The following CAMTA1 variants were observed in gnomAD, a reference collection of about 807,000 sequenced individuals.
CAMTA1 encodes the protein calmodulin-binding transcription activator 1.
Under a neutral mutation model 170.9 loss-of-function variants are expected in CAMTA1, and 27 were observed. The observed-to-expected ratio is 0.16, with a 90% CI of 0.12 to 0.22. CAMTA1 has a LOEUF of 0.22. Ranked by LOEUF, CAMTA1 falls within the 10% of genes least tolerant of loss-of-function variation. The pLI is 1.00. For synonymous variants in CAMTA1, 833 were observed against 891.5 expected, an observed-to-expected ratio of 0.93 and a Z score of 1.17; for missense variants, 1,619 against 2,217.2, an observed-to-expected ratio of 0.73 and a Z score of 5.42.
intron 3 of CAMTA1, among the ~76,000 whole-genome samples, chr1:6,932,475 A>G (rs1204578378): frequency 6.6e-6 from 1 of 152,174 alleles, no homozygotes; most frequent in African/African-American, 2.4e-5. Context: ...AGCTGCTGTG[A>G]ACATTTGTGT....
intron 6 of CAMTA1, among the ~76,000 whole-genome samples, chr1:7,568,061 C>T (rs1419190833): frequency 6.6e-6 from 1 of 152,122 alleles, no homozygotes; most frequent in Non-Finnish European, 1.5e-5. Flanking sequence ...TTACCATTAC[C>T]ACCGTCATCA....
rs1035174206 is a variant in CAMTA1 at position 7,732,919 on chromosome 1, C to A, written c.3066+320C>A. ...AATTGAAAAATAGAGGCTGGCTGGGCATGGTGGCTCACGCCTATAATCCCA... is the reference window on the plus strand; with the variant it reads ...AATTGAAAAATAGAGGCTGGCTGGGAATGGTGGCTCACGCCTATAATCCCA... On this transcript the variant is annotated intron_variant, in intron 12 of 22. Coordinates refer to ENST00000303635, the MANE Select transcript of CAMTA1 (RefSeq NM_015215.4). The surrounding 1 kb of genome is among the most constrained non-coding windows in gnomAD (Gnocchi z 4.1). 2.6e-5 allele frequency among the ~76,000 whole-genome samples: 4 copies of A among 152,166 alleles called. No homozygotes were observed. Among genetic ancestry groups the A allele is most frequent in the Non-Finnish European group, 4.4e-5 (3 of 68,032 alleles).
chr1:6,966,151 A>G (rs1691502089), intron 3 of CAMTA1, among the ~76,000 whole-genome samples: 1 of 152,220 alleles, frequency 6.6e-6, no homozygotes, highest in East Asian at 1.9e-4. Flanking sequence ...CAGGACAAAC[A>G]GGAATTTTTC....
In CAMTA1 at chr1:7,375,721, C is replaced by T. The variant is rs12033080; in HGVS notation, c.439-92109C>T. Among the ~76,000 whole-genome samples the T allele has an allele frequency of 1.2e-4, 18 of 152,308 alleles. No homozygotes were observed. The East Asian group carries it at 2.5e-3, about 21-fold the overall frequency. ...AGGATGGCAGTAAATACTGGGGCCT[C>T]GATTCCAGGCAAGAGATGTTAGACT... On this transcript the variant is annotated intron_variant, in intron 5 of 22. Coordinates refer to ENST00000303635, the MANE Select transcript of CAMTA1 (RefSeq NM_015215.4).
intron 4 of CAMTA1, among the ~76,000 whole-genome samples, chr1:7,147,020 TG>T (rs1646235379): frequency 1.3e-5 from 2 of 151,900 alleles, no homozygotes; most frequent in East Asian, 3.9e-4. Context: ...ACATGCACCA[TG>T]CACACACACT....
intron 11 of CAMTA1, among the ~76,000 whole-genome samples, chr1:7,691,591 G>A (rs2096312513): frequency 6.6e-6 from 1 of 152,162 alleles, no homozygotes; most frequent in Admixed American, 6.5e-5. Context: ...AGGAGGTCTT[G>A]TGGGTGGATT....
chr1:7,406,072 G>T (rs1402260202), intron 5 of CAMTA1, among the ~76,000 whole-genome samples: 2 of 152,236 alleles, frequency 1.3e-5, no homozygotes, highest in Admixed American at 1.3e-4. Context: ...TCCCCACAAT[G>T]GCAGAGCTGG....
rs558430440 is a variant in CAMTA1, at chr1:7,635,948, G to A, written c.511-4452G>A. Among the ~76,000 whole-genome samples, 87 of 152,246 alleles carry A rather than the reference G, an allele frequency of 5.7e-4. No homozygotes were observed. Among genetic ancestry groups the A allele is most frequent in the African/African-American group, 1.9e-3 (80 of 41,552 alleles). ...GCCCATGTCTGAAAACCAGCCCCAC[G>A]CCAGGAAATCGTTACTACTCAACTC... On this transcript the variant is annotated intron_variant, in intron 6 of 22. Coordinates refer to ENST00000303635, the MANE Select transcript of CAMTA1 (RefSeq NM_015215.4). The surrounding 1 kb of genome is among the most constrained non-coding windows in gnomAD (Gnocchi z 4.4).
chr1:7,090,357 G>A (rs1641316826), intron 3 of CAMTA1, among the ~76,000 whole-genome samples: 1 of 152,210 alleles, frequency 6.6e-6, no homozygotes. Context: ...AGGAACCCCG[G>A]CTGCAGAGAG....
chr1:7,441,000 C>T (rs12565108), intron 5 of CAMTA1: 11,197 of 152,210 alleles, frequency 0.074, 692 homozygotes, highest in East Asian at 0.28. Context: ...CCTACAGGTG[C>T]GGGTTTTAAA....
At chr1:7,518,378 C>T (rs550850316) in intron 6 of CAMTA1, among the ~76,000 whole-genome samples, 1 of 152,044 alleles carries the variant, frequency 6.6e-6, no homozygotes, top group East Asian at 1.9e-4. Flanking sequence ...GGCCTGACCC[C>T]TATCCACATC....
chr1:6,924,221 C>G (rs1372900280), intron 3 of CAMTA1, among the ~76,000 whole-genome samples: 1 of 152,242 alleles, frequency 6.6e-6, no homozygotes, highest in Non-Finnish European at 1.5e-5. Context: ...TCTCTTGGCG[C>G]TTACCTTCTA....
At chr1:7,678,815 C>G (rs1239825466) in intron 11 of CAMTA1, among the ~76,000 whole-genome samples, 1 of 152,212 alleles carries the variant, frequency 6.6e-6, no homozygotes, top group Non-Finnish European at 1.5e-5. Context: ...CACCCCCTCA[C>G]GCACCCCGCA....
At chr1:7,591,044 T>C (rs2095351587) in intron 6 of CAMTA1, among the ~76,000 whole-genome samples, 1 of 152,138 alleles carries the variant, frequency 6.6e-6, no homozygotes, top group Admixed American at 6.5e-5. Context: ...TGACACTGGG[T>C]TCTCTGCGGT....
At chr1:7,082,839 C>T (rs777891857) in intron 3 of CAMTA1, among the ~76,000 whole-genome samples, 2 of 152,166 alleles carry the variant, frequency 1.3e-5, no homozygotes, top group Non-Finnish European at 2.9e-5. Context: ...ATGGACACAT[C>T]GTCCGTGCTG....
chr1:6,858,738 C>A (rs943480517), intron 3 of CAMTA1, among the ~76,000 whole-genome samples: 8 of 152,034 alleles, frequency 5.3e-5, no homozygotes, highest in Non-Finnish European at 1.2e-4. Context: ...AGAAGATTGT[C>A]CTCTATTTGC....
chr1:6,885,838 G>A (rs1432455052), intron 3 of CAMTA1, among the ~76,000 whole-genome samples: 7 of 151,978 alleles, frequency 4.6e-5, no homozygotes, highest in East Asian at 1.9e-4. Context: ...CTTTCTGTCC[G>A]TTCCTACTTG....
chr1:7,437,671 G>T (rs2092390048), intron 5 of CAMTA1, among the ~76,000 whole-genome samples: 1 of 152,216 alleles, frequency 6.6e-6, no homozygotes, highest in African/African-American at 2.4e-5. Flanking sequence ...TAAGGGAAGA[G>T]ACCCCTCCCC....
At chr1:7,567,587 G>C (rs1022746193) in intron 6 of CAMTA1, among the ~76,000 whole-genome samples, 1 of 152,214 alleles carries the variant, frequency 6.6e-6, no homozygotes, top group Non-Finnish European at 1.5e-5. Flanking sequence ...CCAGCTTCCT[G>C]GTGGGTTGTT....
Sources: gnomAD v4.1 joint callset for allele counts (sites outside exome capture counted in the v4.1 genomes callset) on GRCh38, gnomAD v4.1.1 for gene constraint, Gnocchi (gnomAD v3.1) non-coding constraint, MANE v1.5 for transcripts, NCBI Gene and HGNC (gene_info 2026-07-23, HGNC 2026-07-21) for gene names.